Variants in ITPR3 observed in about 807,000 individuals in gnomAD.
ITPR3 encodes the protein inositol 1,4,5-trisphosphate receptor type 3.
ITPR3 carries 173 observed loss-of-function variants against 293.2 expected under a neutral mutation model. That is an observed-to-expected ratio of 0.59 (90% CI 0.52 to 0.67). The LOEUF is 0.67. ITPR3 is among the 30% of genes least tolerant of loss of function. ITPR3 has a pLI of 0.00. For synonymous variants in ITPR3, 1,295 were observed against 1,444.4 expected (o/e 0.90, Z 2.35); for missense variants, 2,796 against 3,592.1 (o/e 0.78, Z 5.66).
chr6:33,641,634 C>T (rs1477534997), intron 2 of ITPR3, among the ~76,000 whole-genome samples: 2 of 152,096 alleles, frequency 1.3e-5, no homozygotes, highest in Non-Finnish European at 2.9e-5. Flanking sequence ...CTTCACCCTA[C>T]ACCGTTGGCC....
At chr6:33,662,441 G>C (rs1285101217) in intron 7 of ITPR3, 87 bp from the exon 8 acceptor site, 3 of 1,468,338 alleles carry the variant, frequency 2.0e-6, no homozygotes, top group Admixed American at 2.1e-5. Context: ...AGCCAACCCT[G>C]TCTGAGGCAG....
In ITPR3 at chr6:33,683,943, C is replaced by T; in HGVS notation, c.4789-77C>T. On this transcript the variant is annotated intron_variant, in intron 35 of 57. Coordinates refer to ENST00000605930, the MANE Select transcript of ITPR3 (RefSeq NM_002224.4). The surrounding 1 kb of genome is among the most constrained non-coding windows in gnomAD (Gnocchi z 4.5). ...CAGGGCAATCTGTGGGGCTGTTTGG[C>T]GTTTGGGTCGGAGGAATGGCAGTCA... 1 of 1,498,292 alleles carries T rather than the reference C, an allele frequency of 6.7e-7. No individual in the cohort carries two copies. The highest frequency in any genetic ancestry group is 9.0e-7 in the Non-Finnish European group (1 of 1,114,094). 92.8% of individuals were successfully genotyped at this position (1,498,292 alleles called of 1,614,324 possible).
intron 6 of ITPR3, 52 bp downstream of exon 6, chr6:33,659,171 G>A: frequency 6.6e-7 from 1 of 1,520,216 alleles, no homozygotes; most frequent in Non-Finnish European, 9.1e-7. Flanking sequence ...ACACACCCCT[G>A]GTGGTGTAGA....
chr6:33,676,044 A>C (rs942002669), intron 25 of ITPR3, among the ~76,000 whole-genome samples, 188 bp downstream of exon 25: 14 of 152,222 alleles, frequency 9.2e-5, no homozygotes, highest in African/African-American at 3.4e-4. Context: ...GCCATTTCTT[A>C]TGATGTGGAC....
At chr6:33,644,634 C>A (rs1396160527) in intron 2 of ITPR3, among the ~76,000 whole-genome samples, 1 of 149,684 alleles carries the variant, frequency 6.7e-6, no homozygotes, top group African/African-American at 2.5e-5. Context: ...GCTATTAATG[C>A]ATAGGGATGT....
In ITPR3 at chr6:33,658,146, T is replaced by C. The variant is rs1582126019; in HGVS notation, c.369+128T>C. 1.3e-6 allele frequency: 1 copy of C among 753,212 alleles called. No homozygotes were observed. Among genetic ancestry groups the C allele is most frequent in the Non-Finnish European group, 2.3e-6 (1 of 435,552 alleles). The allele number at this position is 753,212 out of a possible 1,614,324, so 46.7% of individuals were successfully genotyped here. ...GTGTCCCCGGGTGAATGAGTGGCCC[T>C]GGGGCCACCTGTGTGGCTGTGCGTC... On this transcript the variant is annotated intron_variant, in intron 4 of 57. Transcript: ENST00000605930. The surrounding 1 kb of genome is among the most constrained non-coding windows in gnomAD (Gnocchi z 6.1).
intron 1 of ITPR3, among the ~76,000 whole-genome samples, chr6:33,639,134 A>C (rs970853614): frequency 6.6e-6 from 1 of 152,166 alleles, no homozygotes; most frequent in Non-Finnish European, 1.5e-5. Context: ...TAATCCCAGC[A>C]CTTTGGGAGG....
At chr6:33,680,756 C>T (rs141107214) in intron 33 of ITPR3, 76 bp downstream of exon 33, 16,591 of 1,503,508 alleles carry the variant, frequency 0.011, 131 homozygotes, top group Non-Finnish European at 0.013. Context: ...AATAAGAATA[C>T]ATATTTATAT....
chr6:33,662,729 C>T (rs988840968), intron 8 of ITPR3, 55 bp downstream of exon 8: 3 of 1,592,200 alleles, frequency 1.9e-6, no homozygotes, highest in Non-Finnish European at 2.6e-6. Flanking sequence ...GCCACCCCTC[C>T]CTCTTCCCCA....
chr6:33,631,997 ATATC>A lies in ITPR3; in HGVS notation c.90-8484_90-8481del, dbSNP rs541170648. The stretch of plus-strand genomic sequence containing the variant: ...TTGCTAATTGTCCATGATCATCTCT[ATATC>A]TAATTTGTATTATGACTATTCTTAT... On this transcript the variant is annotated intron_variant, in intron 1 of 57. Transcript: ENST00000605930. Among the ~76,000 whole-genome samples the A allele has an allele frequency of 1.1e-3, 162 of 152,282 alleles. 3 individuals carry two copies. The highest frequency in any genetic ancestry group is 1.9e-3 in the Non-Finnish European group (132 of 68,024).
chr6:33,675,682 T>C lies in ITPR3; in HGVS notation c.3117-9T>C. The C allele has an allele frequency of 6.3e-7, 1 of 1,591,114 alleles. No homozygotes were observed. The highest frequency in any genetic ancestry group is 8.6e-7 in the Non-Finnish European group (1 of 1,167,460). ...CTCACCCATGCGCCCTGCACCCTTG[T>C]GCCCGCAGGAAGACAAGCAGCATGC... On this transcript the variant is annotated splice_polypyrimidine_tract_variant and intron_variant, in intron 24 of 57. Transcript: ENST00000605930. This position sits in a 1 kb window ranked among gnomAD's most constrained non-coding sequence, Gnocchi z 5.0.
Position 33,666,105 on chromosome 6 carries a change from T to TCC in ITPR3, c.1551+131_1551+132dup. ...GGGGCACGACCACGTGCCAGGGACT[T>TCC]CCCTAAGTACCCCACATGTGTTGAC... On this transcript the variant is annotated intron_variant, in intron 14 of 57. Coordinates refer to ENST00000605930, the MANE Select transcript of ITPR3 (RefSeq NM_002224.4). This position sits in a 1 kb window ranked among gnomAD's most constrained non-coding sequence, Gnocchi z 5.1. 1 of 1,060,600 alleles carries TCC rather than the reference T, an allele frequency of 9.4e-7. No individual in the cohort carries two copies. The highest frequency in any genetic ancestry group is 1.7e-5 in the South Asian group (1 of 58,458). The allele number at this position is 1,060,600 out of a possible 1,614,324, so 65.7% of individuals were successfully genotyped here. A position where few individuals can be genotyped will look rare whatever the true frequency, so the allele number is the denominator to read the frequency against.
chr6:33,695,521 G>C (rs749212167), intron 57 of ITPR3, 191 bp from the exon 58 acceptor site: 1 of 614,624 alleles, frequency 1.6e-6, no homozygotes, highest in South Asian at 1.9e-5. Context: ...TTTGTGACAC[G>C]CTAATTGAGA....
chr6:33,649,152 C>T (rs1180543045), intron 2 of ITPR3, among the ~76,000 whole-genome samples: 1 of 152,256 alleles, frequency 6.6e-6, no homozygotes, highest in Non-Finnish European at 1.5e-5. Context: ...ATCCACCTGC[C>T]TCAGCCTCCC....
At position 33,658,265 on chromosome 6, in the gene ITPR3, C is replaced by T. The variant is rs73408232; in HGVS notation, c.369+247C>T. On this transcript the variant is annotated intron_variant, in intron 4 of 57. Coordinates refer to ENST00000605930, the MANE Select transcript of ITPR3 (RefSeq NM_002224.4). This position sits in a 1 kb window ranked among gnomAD's most constrained non-coding sequence, Gnocchi z 6.1. ...GCCATCAGCATGGAGTCTGGAGCCA[C>T]GTTGTCTGGATTCAAATCTTGGCTC... Among the ~76,000 whole-genome samples, 16,593 of 152,154 alleles carry T rather than the reference C, an allele frequency of 0.11. 998 individuals are homozygous for T. Among genetic ancestry groups the T allele is most frequent in the African/African-American group, 0.14 (5,728 of 41,484 alleles).
chr6:33,626,869 A>G (rs1320577626), intron 1 of ITPR3, among the ~76,000 whole-genome samples: 1 of 152,186 alleles, frequency 6.6e-6, no homozygotes, highest in Non-Finnish European at 1.5e-5. Context: ...ACAATGGCAC[A>G]ATCTCAGCTC....
chr6:33,668,835 G>A, intron 17 of ITPR3, 139 bp from the exon 18 acceptor site: 2 of 1,176,634 alleles, frequency 1.7e-6, no homozygotes, highest in South Asian at 3.0e-5. Context: ...AATGAGCCAC[G>A]GACCCTGCCC....
chr6:33,695,551 A>G, intron 57 of ITPR3, 161 bp from the exon 58 acceptor site: 1 of 673,394 alleles, frequency 1.5e-6, no homozygotes, highest in Non-Finnish European at 2.6e-6. Flanking sequence ...TGGTGCTGAC[A>G]TCGACATCCT....
At chr6:33,636,805 C>T (rs1561851736) in intron 1 of ITPR3, among the ~76,000 whole-genome samples, 1 of 152,010 alleles carries the variant, frequency 6.6e-6, no homozygotes, top group Non-Finnish European at 1.5e-5. Context: ...CTTTTAAGTT[C>T]ATGAGTGTGG....
Sources: allele counts gnomAD v4.1 joint callset (sites outside exome capture counted in the v4.1 genomes callset), GRCh38; gene constraint gnomAD v4.1.1; non-coding constraint Gnocchi (gnomAD v3.1); transcripts MANE v1.5; gene names NCBI Gene and HGNC (gene_info 2026-07-23, HGNC 2026-07-21).